STK3: variants seen among roughly 807,000 people sequenced by gnomAD.
STK3 encodes serine/threonine kinase 3, also known as serine/threonine-protein kinase 3.
STK3 carries 41 observed loss-of-function variants against 58.0 expected under a neutral mutation model. The ratio of observed to expected loss-of-function variants is 0.71; its 90% CI spans 0.55 to 0.92. STK3 has a LOEUF of 0.92. STK3 is among the 40% of genes least tolerant of loss of function. STK3 has a pLI of 0.00. For synonymous variants in STK3, 170 were observed against 191.0 expected (o/e 0.89, Z 0.91); for missense variants, 479 against 602.7 (o/e 0.79, Z 2.15).
intron 1 of STK3, among the ~76,000 whole-genome samples, chr8:98,941,145 C>CCGGCTGCGGACTGCAGCCCG (rs1173709108): frequency 6.6e-6 from 1 of 152,204 alleles, no homozygotes; most frequent in African/African-American, 2.4e-5. Flanking sequence ...GCCCTTCCCG[C>CCGGCTGCGGACTGCAGCCCG]CGGCTGCGGA....
chr8:98,457,955 C>T (rs570280348), intron 10 of STK3, among the ~76,000 whole-genome samples: 7 of 152,022 alleles, frequency 4.6e-5, no homozygotes, highest in Admixed American at 3.9e-4. Context: ...TTTATATTAT[C>T]AATGCGTAAA....
chr8:98,697,344 T>G (rs1825054160), intron 6 of STK3, among the ~76,000 whole-genome samples: 1 of 152,240 alleles, frequency 6.6e-6, no homozygotes, highest in Non-Finnish European at 1.5e-5. Context: ...GGGTTTTTTG[T>G]GTCTCTATTT....
At chr8:98,406,660 A>G (rs1817995665) in intron 3 of STK3, among the ~76,000 whole-genome samples, 1 of 152,190 alleles carries the variant, frequency 6.6e-6, no homozygotes, top group African/African-American at 2.4e-5. Flanking sequence ...CTCTAGCCTG[A>G]CTGAGAAGTG....
chr8:98,723,181 G>T (rs1411476709), intron 4 of STK3, among the ~76,000 whole-genome samples: 1 of 151,946 alleles, frequency 6.6e-6, no homozygotes, highest in African/African-American at 2.4e-5. Context: ...TTTTAAAGAA[G>T]GGTGGTAGAG....
intron 6 of STK3, among the ~76,000 whole-genome samples, chr8:98,622,727 T>C (rs1482338706): frequency 1.3e-5 from 2 of 152,216 alleles, no homozygotes; most frequent in East Asian, 3.8e-4. Context: ...TATCCTAATG[T>C]ATTAAACTTT....
chr8:98,505,341 C>T (rs1462389969), intron 10 of STK3, among the ~76,000 whole-genome samples: 1 of 152,178 alleles, frequency 6.6e-6, no homozygotes, highest in Non-Finnish European at 1.5e-5. Context: ...CGAACATCCT[C>T]CTTTAGCTCA....
intron 1 of STK3, among the ~76,000 whole-genome samples, chr8:98,445,487 T>A (rs1818900846): frequency 6.6e-6 from 1 of 152,152 alleles, no homozygotes; most frequent in Admixed American, 6.5e-5. Context: ...TATAAAAGAT[T>A]ATTGAGATAT....
At chr8:98,418,562 G>C (rs1261284387) in intron 3 of STK3, among the ~76,000 whole-genome samples, 1 of 152,194 alleles carries the variant, frequency 6.6e-6, no homozygotes, top group Non-Finnish European at 1.5e-5. Flanking sequence ...TGGGGCAGCA[G>C]CTGTGAGCAC....
intron 1 of STK3, 64 bp downstream of exon 1, chr8:98,825,451 G>GC: frequency 1.4e-6 from 2 of 1,407,472 alleles, no homozygotes; most frequent in Non-Finnish European, 1.9e-6. Context: ...GCCTGGCCTA[G>GC]CCACCCCCGC....
At chr8:98,371,708 C>G (rs1177304319) in intron 2 of STK3, 1 of 152,242 alleles carries the variant, frequency 6.6e-6, no homozygotes, top group African/African-American at 2.4e-5. Context: ...TAGAGGCTGA[C>G]CCCTCAAGAT....
intron 1 of STK3, among the ~76,000 whole-genome samples, chr8:98,381,342 T>C (rs1817731950): frequency 6.6e-6 from 1 of 152,198 alleles, no homozygotes; most frequent in Non-Finnish European, 1.5e-5. Flanking sequence ...GATCTGCATT[T>C]CCACCCTGTG....
intron 3 of STK3, among the ~76,000 whole-genome samples, chr8:98,832,452 G>A (rs1835573440): frequency 6.6e-6 from 1 of 152,036 alleles, no homozygotes; most frequent in Admixed American, 6.5e-5. Context: ...TGCATCCTCT[G>A]TAAATCAGCC....
At chr8:98,503,119 G>A (rs1173172169) in intron 10 of STK3, among the ~76,000 whole-genome samples, 1 of 151,924 alleles carries the variant, frequency 6.6e-6, no homozygotes, top group African/African-American at 2.4e-5. Context: ...ACTTCTTCCT[G>A]GTTTTTTGGT....
intron 10 of STK3, among the ~76,000 whole-genome samples, chr8:98,482,161 G>A (rs1282922682): frequency 6.6e-6 from 1 of 152,154 alleles, no homozygotes; most frequent in South Asian, 2.1e-4. Context: ...TAACCTGCAG[G>A]TGAATTTTTG....
intron 1 of STK3, among the ~76,000 whole-genome samples, chr8:98,795,796 A>AAATACAATACAATACAATACAATAC (rs58299814): frequency 1.4e-5 from 2 of 138,012 alleles, no homozygotes; most frequent in Non-Finnish European, 3.1e-5. Context: ...AATGGCCACA[A>AAATACAATACAATACAATACAATAC]AATACAATAC....
At chr8:98,536,836 G>GAGC (rs1205316780) in intron 9 of STK3, among the ~76,000 whole-genome samples, 1 of 152,204 alleles carries the variant, frequency 6.6e-6, no homozygotes, top group East Asian at 1.9e-4. Flanking sequence ...GAAGCAGAAG[G>GAGC]AGCAGCAATC....
chr8:98,617,083 G>T (rs1225200210), intron 6 of STK3, among the ~76,000 whole-genome samples: 1 of 150,872 alleles, frequency 6.6e-6, no homozygotes, highest in South Asian at 2.1e-4. Context: ...CTCAGCAAAT[G>T]TAAAAGAACA....
chr8:98,873,416 T>C (rs1837453458), intron 3 of STK3, among the ~76,000 whole-genome samples: 2 of 152,216 alleles, frequency 1.3e-5, no homozygotes, highest in African/African-American at 4.8e-5. Context: ...GTCTTGTTGA[T>C]CTGTCTAATG....
intron 1 of STK3, chr8:98,905,388 TGAA>T: frequency 8.2e-7 from 1 of 1,220,712 alleles, no homozygotes; most frequent in African/African-American, 1.5e-5. Context: ...AAACTTGGCT[TGAA>T]GCTCTTGGTT....
Sources: allele counts gnomAD v4.1 joint callset (sites outside exome capture counted in the v4.1 genomes callset), GRCh38; gene constraint gnomAD v4.1.1; transcripts MANE v1.5; gene names NCBI Gene and HGNC (gene_info 2026-07-23, HGNC 2026-07-21).